The following RALYL variants were observed in gnomAD, a reference collection of about 807,000 sequenced individuals.
RALYL encodes RALY RNA binding protein like, also known as RNA-binding Raly-like protein.
RALYL carries 29 observed loss-of-function variants against 35.1 expected under a neutral mutation model. The ratio of observed to expected loss-of-function variants is 0.83; its 90% CI spans 0.61 to 1.13. The LOEUF (loss-of-function observed/expected upper bound fraction) is 1.13, where lower values mean the gene tolerates loss of function less well. RALYL is among the 50% of genes most tolerant of loss of function. The pLI, the probability that RALYL is intolerant of heterozygous loss-of-function variation, is 0.00. For missense variants in RALYL, 359 were observed against 360.4 expected (o/e 1.00, Z 0.03); for synonymous variants, 120 against 127.6 (o/e 0.94, Z 0.40).
chr8:84,431,982 G>A (rs766637024), intron 1 of RALYL, among the ~76,000 whole-genome samples: 3 of 152,062 alleles, frequency 2.0e-5, no homozygotes, highest in Admixed American at 6.6e-5. Context: ...TACACTGTTG[G>A]GAATGTAAAA....
intron 1 of RALYL, among the ~76,000 whole-genome samples, chr8:84,374,338 TGA>T (rs1231228422): frequency 6.6e-6 from 1 of 151,986 alleles, no homozygotes; most frequent in East Asian, 1.9e-4. Flanking sequence ...ATATTGTCTG[TGA>T]GTTTGTCATA....
At chr8:84,326,233 A>C (rs1845769551) in intron 1 of RALYL, among the ~76,000 whole-genome samples, 1 of 152,330 alleles carries the variant, frequency 6.6e-6, no homozygotes, top group Admixed American at 6.5e-5. Context: ...ATGTGTATGA[A>C]TTACAATGCC....
chr8:84,370,455 CAT>C (rs1040428881), intron 1 of RALYL, among the ~76,000 whole-genome samples: 20 of 151,450 alleles, frequency 1.3e-4, no homozygotes, highest in Non-Finnish European at 2.5e-4. Flanking sequence ...CACACACACA[CAT>C]ATACACAACC....
chr8:84,526,174 C>CA (rs1025116446), intron 1 of RALYL, among the ~76,000 whole-genome samples: 2 of 151,822 alleles, frequency 1.3e-5, no homozygotes, highest in Non-Finnish European at 2.9e-5. Context: ...AGGCTAGTCT[C>CA]AAACTCCTGA....
rs370052719 is a variant in RALYL at position 84,543,583 on chromosome 8, T to G, written c.256+14006T>G. ...TGAGTTTTAAAATATTCTTAATAATTTTATGAGCTCAGGGATTAAACATAG... is the reference window on the plus strand; with the variant it reads ...TGAGTTTTAAAATATTCTTAATAATGTTATGAGCTCAGGGATTAAACATAG... On this transcript the variant is annotated intron_variant, in intron 2 of 8. Transcript: ENST00000521268. Among the ~76,000 whole-genome samples the G allele has an allele frequency of 3.3e-5, 5 of 152,194 alleles. No individual in the cohort carries two copies. In the East Asian group the frequency reaches 7.7e-4, roughly 23 times the overall value.
intron 1 of RALYL, among the ~76,000 whole-genome samples, chr8:84,390,717 G>A (rs1030467999): frequency 1.3e-5 from 2 of 151,742 alleles, no homozygotes; most frequent in African/African-American, 4.8e-5. Context: ...ACTGGAAGGT[G>A]GTTCTTTTCA....
At chr8:84,347,584 C>A (rs1850077075) in intron 1 of RALYL, among the ~76,000 whole-genome samples, 1 of 152,072 alleles carries the variant, frequency 6.6e-6, no homozygotes, top group Non-Finnish European at 1.5e-5. Context: ...TCTAATATAT[C>A]CTTCTTCTCG....
chr8:84,729,312 G>A (rs1433257560), intron 2 of RALYL, among the ~76,000 whole-genome samples: 1 of 151,966 alleles, frequency 6.6e-6, no homozygotes, highest in Non-Finnish European at 1.5e-5. Flanking sequence ...TGTGATTTTT[G>A]TACACTGATT....
chr8:84,347,898 G>T (rs932706768), intron 1 of RALYL, among the ~76,000 whole-genome samples: 13 of 152,120 alleles, frequency 8.5e-5, no homozygotes, highest in African/African-American at 2.9e-4. Flanking sequence ...GCAGCACACT[G>T]AGCCTGTAGA....
rs1457798982 is a variant in RALYL at position 84,271,082 on chromosome 8, CT to C, written c.-24+86661del. On this transcript the variant is annotated intron_variant, in intron 1 of 8. Transcript: ENST00000521268. The stretch of plus-strand genomic sequence containing the variant: ...CTTTATCAAATTAAAAATATTTGCT[CT>C]TTACAAGATACCACCAAGAAAATAA... Among the ~76,000 whole-genome samples, 6 of 149,510 alleles carry C rather than the reference CT, an allele frequency of 4.0e-5. No individual in the cohort carries two copies. In the East Asian group the frequency reaches 1.0e-3, roughly 25 times the overall value.
intron 1 of RALYL, among the ~76,000 whole-genome samples, chr8:84,411,762 A>G (rs2044127031): frequency 6.6e-6 from 1 of 151,982 alleles, no homozygotes. Context: ...GCCTTTGAAT[A>G]TATTTTGCCA....
At chr8:84,376,132 G>T (rs895976779) in intron 1 of RALYL, among the ~76,000 whole-genome samples, 1 of 151,868 alleles carries the variant, frequency 6.6e-6, no homozygotes, top group Non-Finnish European at 1.5e-5. Flanking sequence ...CTAAGTCATT[G>T]TAAGATAGCT....
intron 1 of RALYL, among the ~76,000 whole-genome samples, chr8:84,369,294 A>T (rs1176507672): frequency 6.6e-6 from 1 of 151,080 alleles, no homozygotes; most frequent in Non-Finnish European, 1.5e-5. Context: ...TTACAGTGGA[A>T]AAAACTAGTA....
At chr8:84,920,388 C>G (rs1849130103) in intron 8 of RALYL, among the ~76,000 whole-genome samples, 1 of 152,026 alleles carries the variant, frequency 6.6e-6, no homozygotes. Context: ...TGAAGTCTTT[C>G]AATGTTTCTG....
chr8:84,621,687 T>C (rs976762834), intron 2 of RALYL, among the ~76,000 whole-genome samples: 5 of 152,226 alleles, frequency 3.3e-5, no homozygotes, highest in Admixed American at 2.0e-4. Flanking sequence ...TAAAAGGCTT[T>C]TTCTAATTTA....
intron 4 of RALYL, among the ~76,000 whole-genome samples, chr8:84,826,076 T>C (rs940117130): frequency 1.4e-4 from 22 of 151,990 alleles, no homozygotes; most frequent in Non-Finnish European, 2.6e-4. Context: ...TTGAATGTTC[T>C]TACTCATAAC....
At chr8:84,624,015 C>T (rs946713720) in intron 2 of RALYL, among the ~76,000 whole-genome samples, 1 of 152,118 alleles carries the variant, frequency 6.6e-6, no homozygotes, top group Non-Finnish European at 1.5e-5. Context: ...ATAAACAAGT[C>T]TTGACAGAAA....
chr8:84,505,662 G>A (rs1189289209), intron 1 of RALYL, among the ~76,000 whole-genome samples: 2 of 151,676 alleles, frequency 1.3e-5, no homozygotes, highest in Non-Finnish European at 2.9e-5. Flanking sequence ...CATCACCCAG[G>A]TAGGGAGCAT....
At position 84,708,721 on chromosome 8, in the gene RALYL, T is replaced by C. The variant is rs964403132; in HGVS notation, c.257-65858T>C. Reference sequence around the variant, plus strand: ...AAGTTTATGTTTAAATTTTCAAAAATTTCTGTATACAACAAGGAAAACCTG... The same window carrying C: ...AAGTTTATGTTTAAATTTTCAAAAACTTCTGTATACAACAAGGAAAACCTG... On this transcript the variant is annotated intron_variant, in intron 2 of 8. Coordinates refer to ENST00000521268, the MANE Select transcript of RALYL (RefSeq NM_173848.7). Among the ~76,000 whole-genome samples, 38 of 152,168 alleles carry C rather than the reference T, an allele frequency of 2.5e-4. 1 individual carries two copies. Among genetic ancestry groups the C allele is most frequent in the Non-Finnish European group, 5.9e-5 (4 of 68,016 alleles).
Sources: allele counts gnomAD v4.1 joint callset (sites outside exome capture counted in the v4.1 genomes callset), GRCh38; gene constraint gnomAD v4.1.1; transcripts MANE v1.5; gene names NCBI Gene and HGNC (gene_info 2026-07-23, HGNC 2026-07-21).